The following KIAA1217 variants were observed in gnomAD, a reference collection of about 807,000 sequenced individuals.
KIAA1217 encodes KIAA1217, also known as sickle tail protein homolog.
Under a neutral mutation model 163.9 loss-of-function variants are expected in KIAA1217, and 88 were observed. The ratio of observed to expected loss-of-function variants is 0.54; its 90% CI spans 0.45 to 0.64. KIAA1217 has a LOEUF of 0.64. KIAA1217 is among the 30% of genes least tolerant of loss of function. KIAA1217 has a pLI of 0.00. For missense variants in KIAA1217, 2,372 were observed against 2,475.0 expected, an observed-to-expected ratio of 0.96 and a Z score of 0.88; for synonymous variants, 903 against 923.1, an observed-to-expected ratio of 0.98 and a Z score of 0.39.
chr10:23,822,778 G>C (rs1250770683), intron 1 of KIAA1217, among the ~76,000 whole-genome samples: 1 of 152,168 alleles, frequency 6.6e-6, no homozygotes, highest in Admixed American at 6.5e-5. Context: ...ACAGAGTTTT[G>C]TAAGAATAAG....
chr10:24,002,779 G>A (rs1468647086), intron 1 of KIAA1217, among the ~76,000 whole-genome samples: 1 of 152,118 alleles, frequency 6.6e-6, no homozygotes, highest in African/African-American at 2.4e-5. Flanking sequence ...TACCCAGTGT[G>A]TAGTCTTTCA....
At chr10:24,351,096 C>T (rs983048666) in intron 2 of KIAA1217, among the ~76,000 whole-genome samples, 1 of 152,026 alleles carries the variant, frequency 6.6e-6, no homozygotes, top group Non-Finnish European at 1.5e-5. Context: ...TACAGGCATG[C>T]GACCATACGC....
intron 14 of KIAA1217, among the ~76,000 whole-genome samples, chr10:24,528,631 A>G (rs750771580): frequency 8.5e-5 from 13 of 152,110 alleles, no homozygotes; most frequent in Non-Finnish European, 1.9e-4. Flanking sequence ...TGATTTCACT[A>G]CTACTGTTTT....
At chr10:24,449,394 G>C (rs988977501) in intron 5 of KIAA1217, 1 of 854,914 alleles carries the variant, frequency 1.2e-6, no homozygotes, top group African/African-American at 1.8e-5. Context: ...TAAACATCAC[G>C]TGTTTCCTTG....
chr10:24,072,594 C>T (rs759672815), intron 2 of KIAA1217, among the ~76,000 whole-genome samples: 3 of 152,034 alleles, frequency 2.0e-5, no homozygotes, highest in African/African-American at 4.8e-5. Context: ...CTAACAAATG[C>T]GGTCAAGTAG....
At chr10:24,064,481 G>A (rs1414372877) in intron 2 of KIAA1217, among the ~76,000 whole-genome samples, 1 of 152,172 alleles carries the variant, frequency 6.6e-6, no homozygotes, top group Non-Finnish European at 1.5e-5. Context: ...TTGCATCCCA[G>A]GAATGAAGCC....
chr10:24,115,636 C>T (rs1374690161), intron 2 of KIAA1217, among the ~76,000 whole-genome samples: 1 of 152,182 alleles, frequency 6.6e-6, no homozygotes, highest in Non-Finnish European at 1.5e-5. Flanking sequence ...CTGCAGTGGC[C>T]CCCAGTGCTC....
rs919101688 is a variant in KIAA1217 at position 23,788,378 on chromosome 10, A to C, written c.-321+93144A>C. 7.2e-5 allele frequency among the ~76,000 whole-genome samples: 11 copies of C among 152,290 alleles called. No individual in the cohort carries two copies. In the East Asian group the frequency reaches 1.9e-3, roughly 27 times the overall value. On this transcript the variant is annotated intron_variant, in intron 1 of 18. Coordinates refer to the KIAA1217 transcript ENST00000376462. ...AAGGAGTTCTCAATGGGAGGAAGTA[A>C]GTTGCCCAAGGTTACTCAGCCTCTT...
chr10:23,726,303 G>GTTT (rs1838127870), intron 1 of KIAA1217, among the ~76,000 whole-genome samples: 1 of 120,478 alleles, frequency 8.3e-6, no homozygotes, highest in East Asian at 2.4e-4. Context: ...GCATGAGTTT[G>GTTT]GTTTTTTTTT....
At chr10:23,750,076 C>T (rs1167412409) in intron 1 of KIAA1217, among the ~76,000 whole-genome samples, 1 of 152,146 alleles carries the variant, frequency 6.6e-6, no homozygotes, top group African/African-American at 2.4e-5. Flanking sequence ...CAACTCCATT[C>T]CCACAGCTTC....
chr10:23,923,538 G>A (rs1842921405), intron 1 of KIAA1217, among the ~76,000 whole-genome samples: 1 of 152,106 alleles, frequency 6.6e-6, no homozygotes, highest in South Asian at 2.1e-4. Context: ...TGTAAGAGGT[G>A]GCAGAAGGAG....
chr10:24,325,258 G>C (rs958839377), intron 2 of KIAA1217, among the ~76,000 whole-genome samples: 1 of 152,134 alleles, frequency 6.6e-6, no homozygotes, highest in Non-Finnish European at 1.5e-5. Context: ...TATCTTTCAG[G>C]TATGGAACTC....
At chr10:24,199,918 A>C (rs952357811) in intron 2 of KIAA1217, among the ~76,000 whole-genome samples, 2 of 152,042 alleles carry the variant, frequency 1.3e-5, no homozygotes, top group Non-Finnish European at 2.9e-5. Flanking sequence ...AGCAGCATTT[A>C]GGAGACATTT....
chr10:24,233,788 T>C (rs1221595643), intron 2 of KIAA1217, among the ~76,000 whole-genome samples: 1 of 152,216 alleles, frequency 6.6e-6, no homozygotes, highest in Non-Finnish European at 1.5e-5. Flanking sequence ...ATATTGGGTT[T>C]GTTGATTGTA....
intron 1 of KIAA1217, among the ~76,000 whole-genome samples, chr10:23,910,518 AGGCAAGTGATTCTCCCTAACCTAG>A (rs1417618786): frequency 6.6e-6 from 1 of 152,146 alleles, no homozygotes; most frequent in African/African-American, 2.4e-5. Flanking sequence ...TGTCAGGCAA[AGGCAAGTGATTCTCCCTAACCTAG>A]GAGAGACTTC....
intron 2 of KIAA1217, among the ~76,000 whole-genome samples, chr10:24,184,087 G>C (rs2066309175): frequency 6.6e-6 from 1 of 152,192 alleles, no homozygotes; most frequent in Non-Finnish European, 1.5e-5. Context: ...GGTTATTCTT[G>C]TGTTTACTTT....
intron 14 of KIAA1217, among the ~76,000 whole-genome samples, chr10:24,529,024 G>C (rs576963503): frequency 2.0e-5 from 3 of 152,008 alleles, no homozygotes; most frequent in Admixed American, 6.6e-5. Context: ...TAAAATTATG[G>C]ACCCGGATGT....
At chr10:24,506,098 G>A (rs533179785) in intron 9 of KIAA1217, among the ~76,000 whole-genome samples, 1 of 152,328 alleles carries the variant, frequency 6.6e-6, no homozygotes, top group African/African-American at 2.4e-5. Context: ...CAGACAACAA[G>A]AAGCTTTCTA....
intron 2 of KIAA1217, among the ~76,000 whole-genome samples, chr10:24,240,858 T>TAAGTAAGGC: frequency 6.6e-6 from 1 of 150,652 alleles, no homozygotes; most frequent in South Asian, 2.1e-4. Context: ...TAGTAGTCTT[T>TAAGTAAGGC]TTTTTTTTAA....
Sources: gnomAD v4.1 joint callset for allele counts (sites outside exome capture counted in the v4.1 genomes callset) on GRCh38, gnomAD v4.1.1 for gene constraint, MANE v1.5 for transcripts, NCBI Gene and HGNC (gene_info 2026-07-23, HGNC 2026-07-21) for gene names.